Variants in INTS2 observed in about 807,000 individuals in gnomAD.
INTS2 encodes the protein KIAA1287.
Under a neutral mutation model 139.6 loss-of-function variants are expected in INTS2, and 57 were observed. The observed-to-expected ratio is 0.41, with a 90% CI of 0.33 to 0.51. The LOEUF (loss-of-function observed/expected upper bound fraction) is 0.51, where lower values mean the gene tolerates loss of function less well. Among genes scored for constraint, INTS2 ranks in the 20% least tolerant of loss-of-function variants. INTS2 has a pLI of 0.28. For missense variants in INTS2, 1,196 were observed against 1,436.7 expected (o/e 0.83, Z 2.71); for synonymous variants, 473 against 493.4 (o/e 0.96, Z 0.55).
intron 16 of INTS2, among the ~76,000 whole-genome samples, chr17:61,883,251 G>A (rs1024620505): frequency 5.3e-5 from 8 of 151,878 alleles, no homozygotes; most frequent in African/African-American, 1.9e-4. Flanking sequence ...GGTGGCTCAC[G>A]CCTGTAATAC....
At chr17:61,907,355 T>C (rs1028999945) in intron 8 of INTS2, 53 bp downstream of exon 8, 3 of 1,450,718 alleles carry the variant, frequency 2.1e-6, no homozygotes, top group East Asian at 4.9e-5. Context: ...TTCTTGAGAA[T>C]AGAAACAAGA....
At chr17:61,912,568 G>C (rs939075753) in intron 5 of INTS2, among the ~76,000 whole-genome samples, 3 of 152,026 alleles carry the variant, frequency 2.0e-5, no homozygotes, top group African/African-American at 7.2e-5. Flanking sequence ...GTTGCAGTGA[G>C]CCAAGATCGC....
rs2145899986 is a variant in INTS2 at position 61,871,131 on chromosome 17, T to C, written c.2778+1134A>G. Among the ~76,000 whole-genome samples, 1 of 152,320 alleles carries C rather than the reference T, an allele frequency of 6.6e-6. No individual in the cohort carries two copies. The highest frequency in any genetic ancestry group is 2.1e-4 in the South Asian group (1 of 4,824). On this transcript the variant is annotated intron_variant, in intron 20 of 24. Coordinates refer to ENST00000251334, the MANE Select transcript of INTS2 (RefSeq NM_001351695.2). The surrounding 1 kb of genome is among the most constrained non-coding windows in gnomAD (Gnocchi z 4.9). ...TGATTTATTTTATTGATTTTTGTTG[T>C]TGTTGTTGAGATGGAGTCTCGCTCT...
At chr17:61,898,538 C>T (rs947778352) in intron 9 of INTS2, among the ~76,000 whole-genome samples, 13 of 152,140 alleles carry the variant, frequency 8.5e-5, no homozygotes, top group Admixed American at 5.9e-4. Context: ...TCAAGTGATA[C>T]GCCTGCCTAA....
In INTS2 at chr17:61,877,939, G is replaced by T; in HGVS notation, c.2404C>A (p.Leu802Met). 1 of 1,613,852 alleles carries T rather than the reference G, an allele frequency of 6.2e-7. No individual in the cohort carries two copies. The highest frequency in any genetic ancestry group is 8.5e-7 in the Non-Finnish European group (1 of 1,179,782). Residue 802 changes from leucine to methionine, a missense_variant, in exon 18 of 25, where the codon CTG becomes ATG. Leu to Met is a conservative substitution (Grantham distance 15). Around this residue, in one of 3 missense-constraint regions of INTS2, gnomAD observed 1,129 missense variants for 1,341.9 expected, o/e 0.84. Transcript: ENST00000251334. ...LLNSGVPRRI[L>M]QTVNKLWMVL... ...ATCCATAGTTTATTGACTGTTTGCA[G>T]AATTCTCCGTGGAACCCCTGAATTC...
chr17:61,880,048 A>G (rs900144482), intron 17 of INTS2, among the ~76,000 whole-genome samples: 3 of 151,826 alleles, frequency 2.0e-5, no homozygotes, highest in African/African-American at 4.8e-5. Context: ...TCCACTGCAC[A>G]TATTTCTTTT....
intron 19 of INTS2, among the ~76,000 whole-genome samples, chr17:61,874,629 A>C (rs917225765): frequency 6.6e-6 from 1 of 152,168 alleles, no homozygotes; most frequent in African/African-American, 2.4e-5. Context: ...GTTATTCTTT[A>C]CTGGTCTAAA....
In INTS2 at chr17:61,868,114, T is replaced by C; in HGVS notation, c.3245-105A>G. On this transcript the variant is annotated intron_variant, in intron 23 of 24. Transcript: ENST00000251334. This position sits in a 1 kb window ranked among gnomAD's most constrained non-coding sequence, Gnocchi z 4.7. ...ATGCTCTGTGCTGGAGATATGAAGT[T>C]CTCTAAACACAGCCAACCCGTCTTC... The C allele has an allele frequency of 1.2e-6, 1 of 850,004 alleles. No individual in the cohort carries two copies. The highest frequency in any genetic ancestry group is 1.7e-6 in the Non-Finnish European group (1 of 588,450). 52.7% of individuals were successfully genotyped at this position (850,004 alleles called of 1,614,324 possible). A position where few individuals can be genotyped will look rare whatever the true frequency, so the allele number is the denominator to read the frequency against.
chr17:61,913,486 T>C lies in INTS2; in HGVS notation c.650-1416A>G, dbSNP rs188919411. Among the ~76,000 whole-genome samples the C allele has an allele frequency of 4.5e-4, 69 of 152,324 alleles. 1 individual carries two copies. Among genetic ancestry groups the C allele is most frequent in the African/African-American group, 1.6e-3 (67 of 41,582 alleles). On this transcript the variant is annotated intron_variant, in intron 5 of 24. Coordinates refer to ENST00000251334, the MANE Select transcript of INTS2 (RefSeq NM_001351695.2). ...GACATCTTTGTTCTTTGTTTTCTTT[T>C]TTCCTAGAGATGGGATCTTGCTTTC...
At chr17:61,925,247 CT>C in intron 2 of INTS2, 148 bp from the exon 3 acceptor site, 2 of 792,302 alleles carry the variant, frequency 2.5e-6, no homozygotes, top group South Asian at 3.5e-5. Flanking sequence ...TTTAGTTTGC[CT>C]GTGTATTTCA....
In INTS2 at chr17:61,924,976, C is replaced by T. The variant is rs771968914; in HGVS notation, c.417G>A (p.Leu139=). The change falls in exon 3 of 25, where the codon TTG becomes TTA. Residue 139 remains leucine (L), a synonymous_variant. Transcript: ENST00000251334. ...AGAAATGCACCTTGTTCATAATTGC[C>T]AACAGTTCACTAAGCACAAGACGCA... ...RRLRLVLSEL[L]AIMNKVSESN... The T allele has an allele frequency of 3.1e-6, 5 of 1,612,364 alleles. No individual in the cohort carries two copies. Among genetic ancestry groups the T allele is most frequent in the East Asian group, 2.2e-5 (1 of 44,876 alleles).
At chr17:61,907,677 T>C (rs1299181364) in intron 7 of INTS2, 43 bp from the exon 8 acceptor site, 2 of 1,483,888 alleles carry the variant, frequency 1.3e-6, no homozygotes, top group Middle Eastern at 2.3e-4. Context: ...GCATGAAGCA[T>C]TTACTAAACT....
intron 15 of INTS2, among the ~76,000 whole-genome samples, chr17:61,885,760 C>T (rs2079222198): frequency 8.3e-6 from 1 of 120,998 alleles, no homozygotes; most frequent in Non-Finnish European, 1.7e-5. Flanking sequence ...GACAGAGTCT[C>T]GCTCTGTCAC....
In INTS2 at chr17:61,919,655, C is replaced by T. The variant is rs907896240; in HGVS notation, c.536-142G>A. On this transcript the variant is annotated intron_variant, in intron 4 of 24. Coordinates refer to ENST00000251334, the MANE Select transcript of INTS2 (RefSeq NM_001351695.2). ...CAAACTTTGGCCTCAAGTGATCCTC[C>T]AGCCTCAGCCTCCCAAAGTGCTAAG... is the stretch of plus-strand genomic sequence containing the variant. 4 of 588,846 alleles carry T rather than the reference C, an allele frequency of 6.8e-6. No individual in the cohort carries two copies. The African/African-American group carries it at 7.5e-5, about 11-fold the overall frequency. The allele number at this position is 588,846 out of a possible 1,614,324, so 36.5% of individuals were successfully genotyped here. A position where few individuals can be genotyped will look rare whatever the true frequency, so the allele number is the denominator to read the frequency against.
intron 1 of INTS2, 99 bp downstream of exon 1, chr17:61,927,555 C>T: frequency 4.7e-6 from 4 of 853,840 alleles, no homozygotes; most frequent in Non-Finnish European, 6.0e-6. Context: ...GCCCCGGGCG[C>T]AACTAGAACC....
intron 17 of INTS2, 24 bp from the exon 18 acceptor site, chr17:61,878,112 T>G: frequency 1.4e-6 from 2 of 1,426,256 alleles, no homozygotes; most frequent in Non-Finnish European, 2.0e-6. Context: ...TTAGCAATCA[T>G]AACCTAAATT....
chr17:61,920,808 A>C (rs1395727227), intron 4 of INTS2, among the ~76,000 whole-genome samples: 6 of 151,994 alleles, frequency 3.9e-5, no homozygotes, highest in Admixed American at 3.9e-4. Context: ...ATCTCAAAAA[A>C]AAAAGACAAG....
rs747423366 is a variant in INTS2, at chr17:61,869,375, A to G, written c.3036T>C (p.Tyr1012=). Residue 1012 remains tyrosine, a synonymous_variant, in exon 22 of 25, where the codon TAT becomes TAC. Transcript: ENST00000251334. This position sits in a 1 kb window ranked among gnomAD's most constrained non-coding sequence, Gnocchi z 5.4. ...NIAKLVHFQG[Y]PCELLPLTVA... is the part of the protein sequence containing the mutation. ...CCGTCAGAGGCAAAAGTTCACATGG[A>G]TAACCCTATCTCAACAAGAAACGGG... is the stretch of plus-strand genomic sequence containing the variant. 18 of 1,594,132 alleles carry G rather than the reference A, an allele frequency of 1.1e-5. No individual in the cohort carries two copies. The Admixed American group carries it at 3.1e-4, about 27-fold the overall frequency.
At position 61,893,639 on chromosome 17, in the gene INTS2, G is replaced by A; in HGVS notation, c.1698+126C>T. On this transcript the variant is annotated intron_variant, in intron 13 of 24. Transcript: ENST00000251334. The surrounding 1 kb of genome is among the most constrained non-coding windows in gnomAD (Gnocchi z 5.4). ...TAACCCAGGAGGCAGAGGTTACAGT[G>A]AGCCAAGACTGCACCACTGCACTCC... The A allele has an allele frequency of 3.5e-6, 2 of 570,068 alleles. No individual in the cohort carries two copies. Among genetic ancestry groups the A allele is most frequent in the Non-Finnish European group, 5.2e-6 (2 of 384,314 alleles). The allele number at this position is 570,068 out of a possible 1,614,324, so 35.3% of individuals were successfully genotyped here. A position where few individuals can be genotyped will look rare whatever the true frequency, so the allele number is the denominator to read the frequency against.
Sources: gnomAD v4.1 joint callset for allele counts (sites outside exome capture counted in the v4.1 genomes callset) on GRCh38, gnomAD v4.1.1 for gene constraint, gnomAD v4.1.1 regional missense constraint, Gnocchi (gnomAD v3.1) non-coding constraint, MANE v1.5 for transcripts, NCBI Gene and HGNC (gene_info 2026-07-23, HGNC 2026-07-21) for gene names.